The following STAU2 variants were observed in gnomAD, a reference collection of about 807,000 sequenced individuals.
STAU2 encodes the protein double-stranded RNA-binding protein Staufen homolog 2.
In STAU2, 20 loss-of-function variants were observed where a neutral mutation model predicts 65.9. That is an observed-to-expected ratio of 0.30 (90% confidence interval 0.21 to 0.44). STAU2 has a LOEUF of 0.44. STAU2 is among the 20% of genes least tolerant of loss of function. The pLI, the probability that STAU2 is intolerant of heterozygous loss-of-function variation, is 1.00. For synonymous variants in STAU2, 232 were observed against 233.9 expected (o/e 0.99, Z 0.07); for missense variants, 558 against 683.9 (o/e 0.82, Z 2.05).
chr8:73,744,487 G>GAA (rs34156567), intron 1 of STAU2, among the ~76,000 whole-genome samples: 2,449 of 129,696 alleles, frequency 0.019, 24 homozygotes, highest in African/African-American at 0.024. Flanking sequence ...AGGCACAAAG[G>GAA]AAAAAAAAAA....
chr8:73,493,987 A>G (rs1248506141), intron 13 of STAU2, among the ~76,000 whole-genome samples: 1 of 151,826 alleles, frequency 6.6e-6, no homozygotes. Context: ...CATTTCATTT[A>G]CATAAGGGCT....
chr8:73,584,026 T>TA (rs376969230), intron 11 of STAU2, among the ~76,000 whole-genome samples: 3 of 152,284 alleles, frequency 2.0e-5, no homozygotes, highest in African/African-American at 4.8e-5. Context: ...TGTTCATTTT[T>TA]AAAAAAAAGT....
chr8:73,433,593 C>T (rs898958307), intron 13 of STAU2, among the ~76,000 whole-genome samples: 10 of 151,274 alleles, frequency 6.6e-5, no homozygotes, highest in Non-Finnish European at 8.8e-5. Context: ...CTACGCTTCC[C>T]GGGTTCAAGC....
At chr8:73,581,378 T>C (rs1809970467) in intron 12 of STAU2, among the ~76,000 whole-genome samples, 1 of 152,186 alleles carries the variant, frequency 6.6e-6, no homozygotes, top group Non-Finnish European at 1.5e-5. Flanking sequence ...ACAAACCATC[T>C]GACAGACAAA....
At chr8:73,455,802 G>A (rs553550671) in intron 13 of STAU2, among the ~76,000 whole-genome samples, 4 of 152,026 alleles carry the variant, frequency 2.6e-5, no homozygotes, top group South Asian at 2.1e-4. Flanking sequence ...AGACTACAAC[G>A]TGTCTCTGTA....
At chr8:73,484,544 G>T (rs1820812846) in intron 13 of STAU2, among the ~76,000 whole-genome samples, 2 of 151,888 alleles carry the variant, frequency 1.3e-5, no homozygotes, top group South Asian at 4.2e-4. Context: ...ATATAGTGAG[G>T]GTTAAATAAT....
At chr8:73,743,466 ATTTTT>A (rs10564049) in intron 1 of STAU2, among the ~76,000 whole-genome samples, 12 of 93,998 alleles carry the variant, frequency 1.3e-4, no homozygotes, top group African/African-American at 4.4e-4. Flanking sequence ...CTTCTTTTTA[ATTTTT>A]TTTTTTTTTT....
chr8:73,683,421 T>G (rs1818570803), intron 5 of STAU2, among the ~76,000 whole-genome samples: 1 of 152,050 alleles, frequency 6.6e-6, no homozygotes, highest in South Asian at 2.1e-4. Context: ...CCTATATGAT[T>G]AAAACCCTCA....
intron 6 of STAU2, among the ~76,000 whole-genome samples, chr8:73,646,412 A>G (rs1398252966): frequency 6.6e-6 from 1 of 152,224 alleles, no homozygotes; most frequent in African/African-American, 2.4e-5. Context: ...GAGAACCCAG[A>G]AACAGACCCA....
chr8:73,658,230 T>C (rs956118695), intron 6 of STAU2, among the ~76,000 whole-genome samples: 13 of 151,916 alleles, frequency 8.6e-5, no homozygotes, highest in Admixed American at 7.9e-4. Context: ...TAGCCGGGCG[T>C]GGTGGCCCAC....
At chr8:73,707,308 C>G (rs548296223) in intron 4 of STAU2, among the ~76,000 whole-genome samples, 12 of 152,162 alleles carry the variant, frequency 7.9e-5, no homozygotes, top group African/African-American at 2.9e-4. Context: ...ACGGAATGAA[C>G]TAGAAAGTTA....
chr8:73,468,254 T>C (rs1033839440), intron 13 of STAU2, among the ~76,000 whole-genome samples: 1 of 152,226 alleles, frequency 6.6e-6, no homozygotes, highest in Non-Finnish European at 1.5e-5. Flanking sequence ...GCTAGCCTTA[T>C]GTAGAAAGCT....
chr8:73,656,919 G>T (rs565073750), intron 6 of STAU2, among the ~76,000 whole-genome samples: 1 of 152,228 alleles, frequency 6.6e-6, no homozygotes, highest in Non-Finnish European at 1.5e-5. Flanking sequence ...AAAACGGAAA[G>T]CAGTGATTGT....
intron 12 of STAU2, among the ~76,000 whole-genome samples, chr8:73,554,766 C>T (rs1026093020): frequency 6.6e-6 from 1 of 152,196 alleles, no homozygotes; most frequent in African/African-American, 2.4e-5. Flanking sequence ...AGGTCTTTCA[C>T]CAGTTTATCA....
At chr8:73,575,523 T>C (rs933376993) in intron 12 of STAU2, among the ~76,000 whole-genome samples, 2 of 152,142 alleles carry the variant, frequency 1.3e-5, no homozygotes, top group Non-Finnish European at 2.9e-5. Context: ...ATACGTAAAA[T>C]TACTTATGTA....
intron 13 of STAU2, among the ~76,000 whole-genome samples, chr8:73,507,188 A>G (rs747303617): frequency 2.0e-5 from 3 of 150,536 alleles, no homozygotes; most frequent in Non-Finnish European, 4.5e-5. Context: ...CCTTTCCAGA[A>G]GGCTTCCAAT....
chr8:73,745,204 G>A (rs1807187812), intron 1 of STAU2, among the ~76,000 whole-genome samples: 1 of 152,224 alleles, frequency 6.6e-6, no homozygotes, highest in South Asian at 2.1e-4. Context: ...ATACAGGCCT[G>A]CTGCAAAATG....
chr8:73,544,275 T>C (rs1317163202), intron 13 of STAU2, among the ~76,000 whole-genome samples: 1 of 152,226 alleles, frequency 6.6e-6, no homozygotes, highest in Non-Finnish European at 1.5e-5. Flanking sequence ...TCTTTATTCT[T>C]TCTTTCCTGG....
intron 5 of STAU2, among the ~76,000 whole-genome samples, chr8:73,685,969 C>G (rs1186517730): frequency 6.6e-6 from 1 of 152,130 alleles, no homozygotes; most frequent in Non-Finnish European, 1.5e-5. Flanking sequence ...GAATACTACT[C>G]AGCCATAAAA....
Sources: gnomAD v4.1 joint callset for allele counts (sites outside exome capture counted in the v4.1 genomes callset) on GRCh38, gnomAD v4.1.1 for gene constraint, MANE v1.5 for transcripts, NCBI Gene and HGNC (gene_info 2026-07-23, HGNC 2026-07-21) for gene names.